Variants in PLPP2 observed in about 807,000 individuals in gnomAD.
The protein encoded by PLPP2 is phospholipid phosphatase 2.
Under a neutral mutation model 35.2 loss-of-function variants are expected in PLPP2, and 29 were observed. That is an observed-to-expected ratio of 0.82 (90% CI 0.61 to 1.12). PLPP2 has a LOEUF of 1.12. Among genes scored for constraint, PLPP2 ranks in the 50% most tolerant of loss-of-function variants. PLPP2 has a pLI of 0.00. For missense variants in PLPP2, 353 were observed against 375.2 expected (o/e 0.94, Z 0.49); for synonymous variants, 162 against 167.0 (o/e 0.97, Z 0.23).
Position 287,799 on chromosome 19 carries a change from G to A in PLPP2, c.205-48C>T. Reference sequence around the variant, plus strand: ...CAGTGGGGGTCTCGGTCGGCCCAGGGGCCCTCACTCCTCCGCACGGGCCTC... The same window carrying A: ...CAGTGGGGGTCTCGGTCGGCCCAGGAGCCCTCACTCCTCCGCACGGGCCTC... On this transcript the variant is annotated intron_variant, in intron 2 of 5. Coordinates refer to ENST00000434325, the MANE Select transcript of PLPP2 (RefSeq NM_003712.4). The surrounding 1 kb of genome is among the most constrained non-coding windows in gnomAD (Gnocchi z 4.3). 1.2e-6 allele frequency: 2 copies of A among 1,604,944 alleles called. No homozygotes were observed. Among genetic ancestry groups the A allele is most frequent in the South Asian group, 1.1e-5 (1 of 90,366 alleles).
Position 290,262 on chromosome 19 carries a change from G to A in PLPP2, c.52+1023C>T, listed in dbSNP as rs376222553. On this transcript the variant is annotated intron_variant, in intron 1 of 5. Coordinates refer to ENST00000434325, the MANE Select transcript of PLPP2 (RefSeq NM_003712.4). ...TACCTCCCGCTGCTGTGTGACCTCC[G>A]GCAGGTGACTCAGCACCTCCCTCAC... is the stretch of plus-strand genomic sequence containing the variant. Among the ~76,000 whole-genome samples, 7 of 152,144 alleles carry A rather than the reference G, an allele frequency of 4.6e-5. No individual in the cohort carries two copies. In the South Asian group the frequency reaches 1.0e-3, roughly 22 times the overall value.
In PLPP2 at chr19:288,158, G is replaced by A. The variant is rs753773266; in HGVS notation, c.66C>T (p.Phe22=). 2.0e-5 allele frequency: 32 copies of A among 1,584,372 alleles called. No homozygotes were observed. The highest frequency in any genetic ancestry group is 2.6e-5 in the Non-Finnish European group (30 of 1,161,094). The change falls in exon 2 of 6, where the codon TTC becomes TTT. Residue 22 remains phenylalanine, a synonymous_variant. Transcript: ENST00000434325. ...VLCLLVASLP[F]AILTLVNAPY... Reference sequence around the variant, plus strand: ...GGGCGTTCACCAGCGTCAGGATAGCGAAGGGCAGGGAGGCTGGTGGGGAAG... The same window carrying A: ...GGGCGTTCACCAGCGTCAGGATAGCAAAGGGCAGGGAGGCTGGTGGGGAAG...
intron 3 of PLPP2, chr19:285,655 GA>G (rs575754411): frequency 1.7e-3 from 228 of 134,476 alleles, no homozygotes; most frequent in Middle Eastern, 3.9e-3. Context: ...CCGAAAAAAA[GA>G]AAAAAAAAAA....
At position 287,587 on chromosome 19, in the gene PLPP2, C is replaced by T. The variant is rs768745293; in HGVS notation, c.369G>A (p.Leu123=). 1.1e-5 allele frequency: 17 copies of T among 1,613,898 alleles called. No individual in the cohort carries two copies. In the South Asian group the frequency reaches 1.9e-4, roughly 18 times the overall value. ...CGCAGACGGCTAGGAAGTTGGGCCT[C>T]AGACGCCCAATCATGTACTTGGCCA... ...TDLAKYMIGR[L]RPNFLAVCDP... The change falls in exon 3 of 6, where the codon CTG becomes CTA. Residue 123 remains leucine (L), a synonymous_variant. Transcript: ENST00000434325. The surrounding 1 kb of genome is among the most constrained non-coding windows in gnomAD (Gnocchi z 4.3).
At chr19:291,025 G>T in intron 1 of PLPP2, 6 of 1,279,224 alleles carry the variant, frequency 4.7e-6, no homozygotes, top group Non-Finnish European at 5.9e-6. Flanking sequence ...GCCGGGGCGG[G>T]GGATGCTGGC....
At chr19:288,806 A>G (rs1970323429) in intron 1 of PLPP2, among the ~76,000 whole-genome samples, 1 of 152,214 alleles carries the variant, frequency 6.6e-6, no homozygotes, top group Non-Finnish European at 1.5e-5. Flanking sequence ...CACCGGCACC[A>G]GGAGGGGCCT....
chr19:286,315 A>C (rs1006826266), intron 3 of PLPP2: 1 of 152,082 alleles, frequency 6.6e-6, no homozygotes, highest in African/African-American at 2.4e-5. Context: ...CTACAAAAAA[A>C]TTTAAAAACC....
At chr19:281,835 A>AG (rs1014699766) in intron 5 of PLPP2, among the ~76,000 whole-genome samples, 4 of 34,846 alleles carry the variant, frequency 1.1e-4, no homozygotes, top group African/African-American at 2.2e-4. Context: ...GGGGGCATGG[A>AG]GGGGGGTCCA....
At chr19:289,021 A>G (rs1337725671) in intron 1 of PLPP2, among the ~76,000 whole-genome samples, 4 of 152,240 alleles carry the variant, frequency 2.6e-5, no homozygotes, top group Admixed American at 2.0e-4. Flanking sequence ...TGACCAGGAC[A>G]GACCCAGCCC....
chr19:283,546 C>T (rs897388303), intron 3 of PLPP2: 3 of 152,238 alleles, frequency 2.0e-5, no homozygotes, highest in Non-Finnish European at 4.4e-5. Context: ...TTATTATTCT[C>T]TGCTGCCTGG....
chr19:282,720 C>A, intron 4 of PLPP2, 32 bp downstream of exon 4: 5 of 1,601,088 alleles, frequency 3.1e-6, no homozygotes, highest in Non-Finnish European at 4.3e-6. Flanking sequence ...CATGGTTCCC[C>A]CGAAAAGCAA....
intron 5 of PLPP2, among the ~76,000 whole-genome samples, 200 bp from the exon 6 acceptor site, chr19:281,737 C>T (rs118039793): frequency 2.7e-5 from 4 of 147,840 alleles, no homozygotes; most frequent in South Asian, 2.2e-4. Context: ...TGACAGGCCC[C>T]GGGAAGAACT....
rs770416209 is a variant in PLPP2 at position 287,297 on chromosome 19, T to TA, written c.482+176dup. The TA allele has an allele frequency of 5.3e-6, 4 of 761,060 alleles. No homozygotes were observed. Among genetic ancestry groups the TA allele is most frequent in the Non-Finnish European group, 8.3e-6 (4 of 482,248 alleles). The allele number at this position is 761,060 out of a possible 1,614,324, so 47.1% of individuals were successfully genotyped here. A position where few individuals can be genotyped will look rare whatever the true frequency, so the allele number is the denominator to read the frequency against. ...CTTAAAGCAAAAACTGACAGAATGT[T>TA]ACAACATGGATGAACTTCAAAAACA... On this transcript the variant is annotated intron_variant, in intron 3 of 5. Transcript: ENST00000434325. This position sits in a 1 kb window ranked among gnomAD's most constrained non-coding sequence, Gnocchi z 4.3.
At chr19:284,156 C>T (rs1970229911) in intron 3 of PLPP2, 1 of 152,104 alleles carries the variant, frequency 6.6e-6, no homozygotes, top group Non-Finnish European at 1.5e-5. Context: ...GAGACCGAGA[C>T]CATCCTGGCC....
At position 282,278 on chromosome 19, in the gene PLPP2, C is replaced by G; in HGVS notation, c.573G>C (p.Trp191Cys). Residue 191 changes from tryptophan (W) to cysteine (C), a missense_variant, in exon 5 of 6, where the codon TGG (tryptophan) becomes TGC (cysteine). Physicochemically the swap from Trp to Cys is radical, Grantham distance 215. Transcript: ENST00000434325. ...GGACTGTGGGTCGCAGCAGCCGTGC[C>G]CACTTCCAACAGAGTCGTGCCTGCA... ...LYVQARLCWK[W>C]ARLLRPTVQF... 1.2e-6 allele frequency: 2 copies of G among 1,613,802 alleles called. No homozygotes were observed. The highest frequency in any genetic ancestry group is 1.7e-6 in the Non-Finnish European group (2 of 1,179,856).
chr19:289,335 A>T (rs1389379627), intron 1 of PLPP2, among the ~76,000 whole-genome samples: 1 of 152,198 alleles, frequency 6.6e-6, no homozygotes, highest in African/African-American at 2.4e-5. Flanking sequence ...CAAGGGCCCT[A>T]GGACACCGTA....
intron 3 of PLPP2, chr19:283,487 T>G (rs117962167): frequency 6.6e-6 from 1 of 152,244 alleles, no homozygotes; most frequent in Admixed American, 6.5e-5. Flanking sequence ...ATTCTCCCAG[T>G]GCTGAGGTGC....
intron 3 of PLPP2, 152 bp from the exon 4 acceptor site, chr19:282,961 T>C: frequency 1.5e-6 from 1 of 666,786 alleles, no homozygotes; most frequent in Non-Finnish European, 2.6e-6. Flanking sequence ...CCTTTTCTGT[T>C]CCAGTCATCT....
chr19:288,290 A>G lies in PLPP2; in HGVS notation c.53-119T>C. ...CTCTACTCTCACCAGACAGCAAGGAAGAGCTTTTTTCACAGCCCAAATAAC... is the reference window on the plus strand; with the variant it reads ...CTCTACTCTCACCAGACAGCAAGGAGGAGCTTTTTTCACAGCCCAAATAAC... On this transcript the variant is annotated intron_variant, in intron 1 of 5. Coordinates refer to ENST00000434325, the MANE Select transcript of PLPP2 (RefSeq NM_003712.4). 2.7e-6 allele frequency: 3 copies of G among 1,095,400 alleles called. No individual in the cohort carries two copies. In the South Asian group the frequency reaches 5.1e-5, roughly 19 times the overall value. 67.9% of individuals were successfully genotyped at this position (1,095,400 alleles called of 1,614,324 possible).
Sources: allele counts gnomAD v4.1 joint callset (sites outside exome capture counted in the v4.1 genomes callset), GRCh38; gene constraint gnomAD v4.1.1; non-coding constraint Gnocchi (gnomAD v3.1); transcripts MANE v1.5; gene names NCBI Gene and HGNC (gene_info 2026-07-23, HGNC 2026-07-21).